Variants in LPIN1 observed in about 807,000 individuals in gnomAD.
LPIN1 encodes phosphatidate phosphatase LPIN1.
LPIN1 carries 71 observed loss-of-function variants against 107.5 expected under a neutral mutation model. The ratio of observed to expected loss-of-function variants is 0.66; its 90% CI spans 0.55 to 0.80. LPIN1 has a LOEUF of 0.80. LPIN1 is among the 30% of genes least tolerant of loss of function. The pLI is 0.00. For missense variants in LPIN1, 1,043 were observed against 1,160.6 expected, an observed-to-expected ratio of 0.90 and a Z score of 1.47; for synonymous variants, 445 against 452.6, an observed-to-expected ratio of 0.98 and a Z score of 0.21.
At chr2:11,678,509 A>T (rs941179573) in intron 1 of LPIN1, among the ~76,000 whole-genome samples, 26 of 152,166 alleles carry the variant, frequency 1.7e-4, no homozygotes, top group Non-Finnish European at 2.5e-4. Context: ...AGAGGCTGAG[A>T]TGGCAGTGAG....
chr2:11,767,157 A>G (rs1025248469), intron 2 of LPIN1, among the ~76,000 whole-genome samples: 1 of 152,222 alleles, frequency 6.6e-6, no homozygotes, highest in Non-Finnish European at 1.5e-5. Context: ...TAGACATTTC[A>G]TGCCCCCACC....
chr2:11,779,647 T>A lies in LPIN1; in HGVS notation c.957+2T>A. 2.5e-6 allele frequency: 4 copies of A among 1,613,890 alleles called. No homozygotes were observed. The highest frequency in any genetic ancestry group is 3.4e-6 in the Non-Finnish European group (4 of 1,179,886). On this transcript the variant is annotated splice_donor_variant, in intron 7 of 20. Coordinates refer to ENST00000674199, the MANE Select transcript of LPIN1 (RefSeq NM_001349206.2). LOFTEE classifies it high-confidence loss of function. Reference sequence around the variant, plus strand: ...GGAGAGCTGCCGCAGGCTGCTAAGGTGAGAGTCTCTTCAATTCTGCCACGG... The same window carrying A: ...GGAGAGCTGCCGCAGGCTGCTAAGGAGAGAGTCTCTTCAATTCTGCCACGG...
At chr2:11,817,534 A>G (rs562771303) in intron 18 of LPIN1, 18 of 152,260 alleles carry the variant, frequency 1.2e-4, no homozygotes, top group African/African-American at 3.1e-4. Flanking sequence ...TTAGGTCTAT[A>G]GTCCACTAAG....
At chr2:11,772,393 C>T (rs1218865347) in intron 4 of LPIN1, among the ~76,000 whole-genome samples, 1 of 152,200 alleles carries the variant, frequency 6.6e-6, no homozygotes, top group Non-Finnish European at 1.5e-5. Context: ...GCCAAACCTC[C>T]TTGGCTGATC....
intron 1 of LPIN1, among the ~76,000 whole-genome samples, chr2:11,759,852 G>C (rs1358073232): frequency 6.7e-6 from 1 of 150,064 alleles, no homozygotes; most frequent in Non-Finnish European, 1.5e-5. Flanking sequence ...CGGCTGGCCG[G>C]GCGGGGGCTG....
chr2:11,696,639 A>G (rs1370557638), intron 1 of LPIN1, among the ~76,000 whole-genome samples: 1 of 152,176 alleles, frequency 6.6e-6, no homozygotes, highest in African/African-American at 2.4e-5. Context: ...TCTGGTGAGC[A>G]GACAGCAAGC....
At chr2:11,708,803 G>A (rs761005420) in intron 1 of LPIN1, among the ~76,000 whole-genome samples, 41 of 152,312 alleles carry the variant, frequency 2.7e-4, no homozygotes, top group Middle Eastern at 6.8e-3. Context: ...TCAATGGGAG[G>A]AAGGGAAGGT....
At chr2:11,744,566 T>C (rs556773162), upstream of LPIN1, among the ~76,000 whole-genome samples, 86 of 152,342 alleles carry the variant, frequency 5.6e-4, no homozygotes, top group African/African-American at 2.0e-3. Flanking sequence ...CCCCAGCTCA[T>C]CATTTTCAGA....
chr2:11,785,188 A>G, intron 10 of LPIN1, 112 bp downstream of exon 10: 2 of 782,420 alleles, frequency 2.6e-6, no homozygotes, highest in South Asian at 1.9e-5. Context: ...GGTTGCGGTT[A>G]ATGATAGCAC....
intron 1 of LPIN1, among the ~76,000 whole-genome samples, chr2:11,710,049 C>T (rs932231262): frequency 6.6e-6 from 1 of 152,140 alleles, no homozygotes; most frequent in Non-Finnish European, 1.5e-5. Flanking sequence ...GAGTATCTGC[C>T]GTGAGCTGGT....
At chr2:11,686,438 C>T (rs565288545) in intron 1 of LPIN1, among the ~76,000 whole-genome samples, 12 of 152,234 alleles carry the variant, frequency 7.9e-5, no homozygotes, top group East Asian at 3.9e-4. Context: ...AGGGCTAGAA[C>T]GCTGGGTTGG....
chr2:11,689,070 A>G (rs1249808591), intron 1 of LPIN1, among the ~76,000 whole-genome samples: 2 of 152,244 alleles, frequency 1.3e-5, no homozygotes, highest in East Asian at 3.8e-4. Context: ...TTCCAAATTT[A>G]TGGATAATTC....
At chr2:11,705,537 G>A (rs1008087647) in intron 1 of LPIN1, among the ~76,000 whole-genome samples, 6 of 152,232 alleles carry the variant, frequency 3.9e-5, no homozygotes, top group African/African-American at 1.2e-4. Context: ...CAGCCCCTAT[G>A]AGGAAGGGAC....
At chr2:11,715,989 T>G (rs1663716267) in intron 2 of LPIN1, among the ~76,000 whole-genome samples, 1 of 152,096 alleles carries the variant, frequency 6.6e-6, no homozygotes, top group South Asian at 2.1e-4. Flanking sequence ...GGGGTGGACC[T>G]GGAGGCAGGG....
rs370320039 is a variant in LPIN1 at position 11,783,955 on chromosome 2, C to A, written c.1358+33C>A. ...TCCTGTTAATTCCTCACATCATTTCCTATAATCTGAATATCATTCTGTGTG... is the reference window on the plus strand; with the variant it reads ...TCCTGTTAATTCCTCACATCATTTCATATAATCTGAATATCATTCTGTGTG... On this transcript the variant is annotated intron_variant, in intron 9 of 20. Coordinates refer to ENST00000674199, the MANE Select transcript of LPIN1 (RefSeq NM_001349206.2). 1.3e-3 allele frequency: 2,152 copies of A among 1,613,584 alleles called. 1 individual carries two copies. Among genetic ancestry groups the A allele is most frequent in the African/African-American group, 5.0e-3 (373 of 75,008 alleles).
chr2:11,748,218 C>T (rs1033881677), intron 1 of LPIN1, among the ~76,000 whole-genome samples: 2 of 152,210 alleles, frequency 1.3e-5, no homozygotes, highest in South Asian at 2.1e-4. Flanking sequence ...GTCTGTGGGT[C>T]CTGCTCTCCT....
rs146035362 is a variant in LPIN1 at position 11,759,132 on chromosome 2, CT to C, written c.-9-6397del. Among the ~76,000 whole-genome samples the C allele has an allele frequency of 1.5e-3, 188 of 121,434 alleles. 1 individual carries two copies. Among genetic ancestry groups the C allele is most frequent in the South Asian group, 2.1e-3 (8 of 3,794 alleles). The allele number at this position is 121,434 out of a possible 152,430, so 79.7% of individuals were successfully genotyped here. ...ATGAGCTAGCTAGCTTGCTTTCTTTCTTTTCTTTCTTTCTTTCTTTCTTTCT... is the reference window on the plus strand; with the variant it reads ...ATGAGCTAGCTAGCTTGCTTTCTTTCTTTCTTTCTTTCTTTCTTTCTTTCT... On this transcript the variant is annotated intron_variant, in intron 1 of 20. Transcript: ENST00000674199.
Position 11,765,426 on chromosome 2 carries a change from G to A in LPIN1, c.-9-107G>A. 4 of 1,050,516 alleles carry A rather than the reference G, an allele frequency of 3.8e-6. No individual in the cohort carries two copies. The highest frequency in any genetic ancestry group is 5.7e-6 in the Non-Finnish European group (4 of 707,212). 65.1% of individuals were successfully genotyped at this position (1,050,516 alleles called of 1,614,324 possible). A position where few individuals can be genotyped will look rare whatever the true frequency, so the allele number is the denominator to read the frequency against. On this transcript the variant is annotated intron_variant, in intron 1 of 20. Coordinates refer to ENST00000674199, the MANE Select transcript of LPIN1 (RefSeq NM_001349206.2). This position sits in a 1 kb window ranked among gnomAD's most constrained non-coding sequence, Gnocchi z 4.4. The stretch of plus-strand genomic sequence containing the variant: ...ATTCCGGAAATGAGAGGAGCTGAAA[G>A]TTGAGTGTGTAATCCACGTTTTTGA...
At chr2:11,679,544 C>T (rs1002640117) in intron 1 of LPIN1, among the ~76,000 whole-genome samples, 2 of 152,198 alleles carry the variant, frequency 1.3e-5, no homozygotes, top group Non-Finnish European at 2.9e-5. Flanking sequence ...AATGAAGCTG[C>T]AGAGAGGATG....
Sources: gnomAD v4.1 joint callset for allele counts (sites outside exome capture counted in the v4.1 genomes callset) on GRCh38, gnomAD v4.1.1 for gene constraint, Gnocchi (gnomAD v3.1) non-coding constraint, MANE v1.5 for transcripts, NCBI Gene and HGNC (gene_info 2026-07-23, HGNC 2026-07-21) for gene names.